Variants in FARS2 observed in about 807,000 individuals in gnomAD.
FARS2 encodes the protein phenylalanyl-tRNA synthetase 2, mitochondrial, also known as phenylalanine--tRNA ligase, mitochondrial.
FARS2 carries 40 observed loss-of-function variants against 46.4 expected under a neutral mutation model. The observed-to-expected ratio is 0.86, with a 90% CI of 0.67 to 1.12. The LOEUF (loss-of-function observed/expected upper bound fraction) is 1.12. FARS2 is among the 50% of genes most tolerant of loss of function. FARS2 has a pLI of 0.00. For synonymous variants in FARS2, 234 were observed against 214.9 expected (o/e 1.09, Z -0.78); for missense variants, 513 against 567.9 (o/e 0.90, Z 0.98).
chr6:5,725,088 G>C (rs1195481564), intron 6 of FARS2, among the ~76,000 whole-genome samples: 3 of 152,262 alleles, frequency 2.0e-5, no homozygotes, highest in Non-Finnish European at 4.4e-5. Context: ...AAGGTATTTT[G>C]CAATGGCCTG....
intron 1 of FARS2, among the ~76,000 whole-genome samples, chr6:5,262,956 G>C (rs1765295146): frequency 2.0e-5 from 3 of 152,174 alleles, no homozygotes; most frequent in African/African-American, 7.2e-5. Flanking sequence ...TATAGAGTAA[G>C]ATTCAGAGCT....
chr6:5,676,523 A>G (rs73718356), intron 6 of FARS2, among the ~76,000 whole-genome samples: 2,031 of 152,354 alleles, frequency 0.013, 51 homozygotes, highest in African/African-American at 0.046. Flanking sequence ...TGCAAAGAGC[A>G]GAGCTAGCAA....
At chr6:5,519,851 A>C (rs529885112) in intron 4 of FARS2, among the ~76,000 whole-genome samples, 1 of 152,244 alleles carries the variant, frequency 6.6e-6, no homozygotes, top group Non-Finnish European at 1.5e-5. Context: ...ATAACAAGCT[A>C]TATTGAGAAA....
intron 6 of FARS2, among the ~76,000 whole-genome samples, chr6:5,739,326 G>A (rs893348375): frequency 7.6e-4 from 68 of 89,818 alleles, no homozygotes; most frequent in South Asian, 4.9e-3. Flanking sequence ...TGAGACCCCC[G>A]TCTCTAAAAA....
At chr6:5,535,073 G>A (rs184166077) in intron 4 of FARS2, among the ~76,000 whole-genome samples, 39 of 152,298 alleles carry the variant, frequency 2.6e-4, no homozygotes, top group African/African-American at 9.4e-4. Context: ...TAGATGTGAA[G>A]TGGTATCTCA....
chr6:5,475,732 C>T (rs1766084157), intron 4 of FARS2, among the ~76,000 whole-genome samples: 1 of 152,172 alleles, frequency 6.6e-6, no homozygotes, highest in Non-Finnish European at 1.5e-5. Flanking sequence ...AATACTCCTA[C>T]CCCAGGGCTT....
intron 4 of FARS2, among the ~76,000 whole-genome samples, chr6:5,473,344 G>A (rs1765908479): frequency 6.6e-6 from 1 of 151,936 alleles, no homozygotes; most frequent in Non-Finnish European, 1.5e-5. Flanking sequence ...GGCTAACACA[G>A]CGAAACCCCG....
chr6:5,552,108 T>C (rs905033543), intron 5 of FARS2, among the ~76,000 whole-genome samples: 1 of 152,198 alleles, frequency 6.6e-6, no homozygotes, highest in African/African-American at 2.4e-5. Context: ...CCTTCAGATA[T>C]AATAGAGTGG....
At chr6:5,602,670 A>G (rs144614387) in intron 5 of FARS2, among the ~76,000 whole-genome samples, 41 of 137,740 alleles carry the variant, frequency 3.0e-4, no homozygotes, top group African/African-American at 8.4e-4. Flanking sequence ...AAAAAAAAAA[A>G]GGGAACCTCC....
At chr6:5,445,367 A>G (rs558200153) in intron 4 of FARS2, among the ~76,000 whole-genome samples, 4 of 152,112 alleles carry the variant, frequency 2.6e-5, no homozygotes, top group Non-Finnish European at 4.4e-5. Flanking sequence ...GGAATTATTT[A>G]TGGTACTGTG....
chr6:5,423,940 C>T (rs1168743197), intron 3 of FARS2, among the ~76,000 whole-genome samples: 1 of 152,184 alleles, frequency 6.6e-6, no homozygotes, highest in Non-Finnish European at 1.5e-5. Context: ...CACATGGATG[C>T]TTCAGGCCTT....
chr6:5,376,686 C>T (rs1020955681), intron 2 of FARS2, among the ~76,000 whole-genome samples: 10 of 151,988 alleles, frequency 6.6e-5, no homozygotes, highest in Admixed American at 2.0e-4. Context: ...ACAAGTACAC[C>T]GCGAGTGGTA....
intron 4 of FARS2, among the ~76,000 whole-genome samples, chr6:5,474,225 A>G (rs968862011): frequency 1.3e-5 from 2 of 152,260 alleles, no homozygotes; most frequent in Non-Finnish European, 2.9e-5. Flanking sequence ...AGGGCCAGCC[A>G]GCACGGTTTG....
At chr6:5,593,776 G>A (rs72817794) in intron 5 of FARS2, among the ~76,000 whole-genome samples, 11 of 152,248 alleles carry the variant, frequency 7.2e-5, no homozygotes, top group African/African-American at 2.2e-4. Flanking sequence ...ATGGCATTTC[G>A]GGGCAGTGGA....
Position 5,410,767 on chromosome 6 carries a change from A to T in FARS2, c.772+6066A>T, listed in dbSNP as rs532586684. Among the ~76,000 whole-genome samples the T allele has an allele frequency of 2.1e-4, 32 of 152,298 alleles. 1 individual carries two copies. In the South Asian group the frequency reaches 6.6e-3, roughly 32 times the overall value. On this transcript the variant is annotated intron_variant, in intron 3 of 6. Coordinates refer to ENST00000274680, the MANE Select transcript of FARS2 (RefSeq NM_006567.5). ...ACAATCTCTGTTTTTCAGATGTTGT[A>T]TTGAGAGTAAAAATTAGGTTTATAA... is the stretch of plus-strand genomic sequence containing the variant.
chr6:5,578,860 A>T (rs1773162846), intron 5 of FARS2, among the ~76,000 whole-genome samples: 1 of 151,784 alleles, frequency 6.6e-6, no homozygotes, highest in Non-Finnish European at 1.5e-5. Flanking sequence ...CAGTGGCAAG[A>T]CGTGAGCTCT....
At chr6:5,523,343 G>A (rs1769259390) in intron 4 of FARS2, among the ~76,000 whole-genome samples, 2 of 152,158 alleles carry the variant, frequency 1.3e-5, no homozygotes, top group South Asian at 4.1e-4. Flanking sequence ...GTAGGGCAAG[G>A]ACAACAGAGG....
At chr6:5,601,567 G>A (rs1337820829) in intron 5 of FARS2, among the ~76,000 whole-genome samples, 4 of 147,282 alleles carry the variant, frequency 2.7e-5, no homozygotes, top group Non-Finnish European at 1.5e-5. Flanking sequence ...GAGTGGGGAG[G>A]CCTCAAAGTA....
chr6:5,421,088 G>A (rs545522631), intron 3 of FARS2, among the ~76,000 whole-genome samples: 156 of 152,250 alleles, frequency 1.0e-3, no homozygotes, highest in African/African-American at 3.7e-3. Flanking sequence ...CTTCTGCCTG[G>A]GCATCCAGGC....
Sources: allele counts gnomAD v4.1 joint callset (sites outside exome capture counted in the v4.1 genomes callset), GRCh38; gene constraint gnomAD v4.1.1; transcripts MANE v1.5; gene names NCBI Gene and HGNC (gene_info 2026-07-23, HGNC 2026-07-21).